Variants in PCDHGA1 observed in about 807,000 individuals in gnomAD.
PCDHGA1 encodes protocadherin gamma-A1.
A neutral mutation model predicts 58.0 loss-of-function variants in PCDHGA1; 32 were observed. That is an observed-to-expected ratio of 0.55 (90% confidence interval 0.42 to 0.74). The LOEUF (loss-of-function observed/expected upper bound fraction) is 0.74, where lower values mean the gene tolerates loss of function less well. Ranked by LOEUF, PCDHGA1 falls within the 30% of genes least tolerant of loss-of-function variation. PCDHGA1 has a pLI of 0.00. For missense variants in PCDHGA1, 1,205 were observed against 1,182.3 expected (o/e 1.02, Z -0.28); for synonymous variants, 498 against 501.1 (o/e 0.99, Z 0.08).
intron 1 of PCDHGA1, among the ~76,000 whole-genome samples, chr5:141,448,842 G>A (rs943887884): frequency 6.6e-6 from 1 of 152,182 alleles, no homozygotes; most frequent in Non-Finnish European, 1.5e-5. Context: ...CTACTCTGGA[G>A]GCTGAGGCAG....
Position 141,408,181 on chromosome 5 carries a change from C to G in PCDHGA1, c.2421+75076C>G, listed in dbSNP as rs1304952667. ...TTTCTCCAACTGGAAAAGCGGGGAC[C>G]CAGCGAGAACCCGAGCGAACGATGG... On this transcript the variant is annotated intron_variant, in intron 1 of 3. Coordinates refer to ENST00000517417, the MANE Select transcript of PCDHGA1 (RefSeq NM_018912.3). The G allele has an allele frequency of 1.6e-5, 24 of 1,536,932 alleles. No individual in the cohort carries two copies. In the East Asian group the frequency reaches 5.6e-4, roughly 36 times the overall value.
chr5:141,340,121 T>C, intron 1 of PCDHGA1: 1 of 1,614,172 alleles, frequency 6.2e-7, no homozygotes. Flanking sequence ...ATTCACCACC[T>C]GTTCACTCCC....
chr5:141,382,899 T>A, intron 1 of PCDHGA1: 1 of 1,541,826 alleles, frequency 6.5e-7, no homozygotes. Context: ...GCAGGACGAC[T>A]ATGGCGGCTC....
chr5:141,419,846 G>T (rs1407937968), intron 1 of PCDHGA1: 2 of 1,614,066 alleles, frequency 1.2e-6, no homozygotes, highest in Non-Finnish European at 1.7e-6. Context: ...GCTGCACCTG[G>T]TGTTCGCAGA....
intron 1 of PCDHGA1, chr5:141,390,167 G>A: frequency 6.2e-7 from 1 of 1,614,028 alleles, no homozygotes; most frequent in Non-Finnish European, 8.5e-7. Context: ...GAAAGACGGA[G>A]TTTAATTTCC....
intron 1 of PCDHGA1, chr5:141,399,794 C>T (rs2093888579): frequency 1.9e-6 from 3 of 1,613,268 alleles, no homozygotes; most frequent in Middle Eastern, 1.7e-4. Flanking sequence ...GACAACGCAC[C>T]GCGGGTGCTG....
At chr5:141,410,961 C>T (rs2095452770) in intron 1 of PCDHGA1, 1 of 178,096 alleles carries the variant, frequency 5.6e-6, no homozygotes, top group African/African-American at 2.5e-5. Flanking sequence ...TCAAGCGATT[C>T]TCCTGCCTCA....
chr5:141,433,313 C>T (rs2097582516), intron 1 of PCDHGA1: 5 of 866,388 alleles, frequency 5.8e-6, no homozygotes, highest in Admixed American at 2.8e-5. Context: ...CCCACCTTTG[C>T]CTCCGGTGTA....
chr5:141,359,079 T>A (rs1279133095), intron 1 of PCDHGA1, among the ~76,000 whole-genome samples: 1 of 151,956 alleles, frequency 6.6e-6, no homozygotes, highest in Non-Finnish European at 1.5e-5. Flanking sequence ...CAAAGGAGAG[T>A]TTTAGTTTCT....
At chr5:141,421,827 C>A in intron 1 of PCDHGA1, 1 of 1,613,802 alleles carries the variant, frequency 6.2e-7, no homozygotes, top group Non-Finnish European at 8.5e-7. Flanking sequence ...TGGAGGGAAG[C>A]CTGGACCGAG....
intron 1 of PCDHGA1, chr5:141,403,090 C>T (rs2094352394): frequency 6.2e-7 from 1 of 1,614,068 alleles, no homozygotes; most frequent in Non-Finnish European, 8.5e-7. Context: ...ATATTGTGGG[C>T]AACATCTCCA....
chr5:141,412,634 A>G (rs1322492563), intron 1 of PCDHGA1: 1 of 152,256 alleles, frequency 6.6e-6, no homozygotes, highest in African/African-American at 2.4e-5. Flanking sequence ...TTAAATTATA[A>G]GACTTTTCTG....
chr5:141,345,659 C>G, intron 1 of PCDHGA1: 1 of 1,614,240 alleles, frequency 6.2e-7, no homozygotes. Context: ...ACCCTCCACT[C>G]AGCAGCAACG....
chr5:141,441,750 A>C, intron 1 of PCDHGA1: 1 of 374,962 alleles, frequency 2.7e-6, no homozygotes, highest in South Asian at 2.1e-5. Context: ...GCTCGGCGTC[A>C]ACGTGAGCCT....
chr5:141,370,737 A>T, intron 1 of PCDHGA1: 2 of 1,613,928 alleles, frequency 1.2e-6, no homozygotes, highest in Non-Finnish European at 1.7e-6. Flanking sequence ...AAAGCCTTTA[A>T]ACTTTTTTCA....
At chr5:141,341,194 G>C (rs377230737) in intron 1 of PCDHGA1, 24 of 1,614,108 alleles carry the variant, frequency 1.5e-5, no homozygotes, top group Non-Finnish European at 8.5e-6. Flanking sequence ...CGCACTTTGT[G>C]GGCGTGGACG....
chr5:141,370,327 A>T, intron 1 of PCDHGA1: 5 of 1,399,556 alleles, frequency 3.6e-6, no homozygotes, highest in Non-Finnish European at 4.8e-6. Context: ...TCCTGCTCGG[A>T]GAACTCTTGG....
chr5:141,384,012 A>C, intron 1 of PCDHGA1: 1 of 1,613,830 alleles, frequency 6.2e-7, no homozygotes. Flanking sequence ...TTTTCTACCT[A>C]CAAGACAGAG....
chr5:141,486,371 G>T lies in PCDHGA1; in HGVS notation c.2422-8436G>T. 1.9e-6 allele frequency: 3 copies of T among 1,614,138 alleles called. No homozygotes were observed. The highest frequency in any genetic ancestry group is 2.5e-6 in the Non-Finnish European group (3 of 1,180,010). On this transcript the variant is annotated intron_variant, in intron 1 of 3. Coordinates refer to ENST00000517417, the MANE Select transcript of PCDHGA1 (RefSeq NM_018912.3). The surrounding 1 kb of genome is among the most constrained non-coding windows in gnomAD (Gnocchi z 5.0). ...CCACTTGCCATTTGCCCTCAAGTCT[G>T]CCTTCAGGAACCAGTTCTCCCTGGT...
Sources: gnomAD v4.1 joint callset for allele counts (sites outside exome capture counted in the v4.1 genomes callset) on GRCh38, gnomAD v4.1.1 for gene constraint, Gnocchi (gnomAD v3.1) non-coding constraint, MANE v1.5 for transcripts, NCBI Gene and HGNC (gene_info 2026-07-23, HGNC 2026-07-21) for gene names.